The following BPGM variants were observed in gnomAD, a reference collection of about 807,000 sequenced individuals.
The protein encoded by BPGM is 2,3-bisphosphoglycerate mutase, erythrocyte.
BPGM carries 15 observed loss-of-function variants against 21.6 expected under a neutral mutation model. The observed-to-expected ratio is 0.70, with a 90% CI of 0.47 to 1.07. The LOEUF (loss-of-function observed/expected upper bound fraction) is 1.07. Among genes scored for constraint, BPGM ranks in the 50% least tolerant of loss-of-function variants. BPGM has a pLI of 0.00. For synonymous variants in BPGM, 113 were observed against 116.2 expected (o/e 0.97, Z 0.18); for missense variants, 273 against 319.0 (o/e 0.86, Z 1.10).
chr7:134,654,163 A>G (rs1331873356), intron 1 of BPGM, among the ~76,000 whole-genome samples: 1 of 151,752 alleles, frequency 6.6e-6, no homozygotes, highest in Non-Finnish European at 1.5e-5. Context: ...AGATGAAGAC[A>G]TAATTCTTGT....
intron 2 of BPGM, among the ~76,000 whole-genome samples, chr7:134,662,771 G>A (rs954010499): frequency 2.6e-5 from 4 of 152,158 alleles, no homozygotes; most frequent in Non-Finnish European, 5.9e-5. Context: ...TATTTATCTT[G>A]ACTCTAAAAA....
chr7:134,653,066 GT>G (rs1419017931), intron 1 of BPGM, among the ~76,000 whole-genome samples: 1 of 152,158 alleles, frequency 6.6e-6, no homozygotes, highest in African/African-American at 2.4e-5. Flanking sequence ...GGTTTTACAT[GT>G]AAAACGGTTG....
chr7:134,658,323 A>G (rs1795674648), intron 1 of BPGM: 1 of 152,208 alleles, frequency 6.6e-6, no homozygotes, highest in Admixed American at 6.5e-5. Flanking sequence ...GATGTCAGCA[A>G]TCCCATCTTC....
chr7:134,655,100 T>C (rs1191650703), intron 1 of BPGM, among the ~76,000 whole-genome samples: 1 of 152,194 alleles, frequency 6.6e-6, no homozygotes, highest in Non-Finnish European at 1.5e-5. Context: ...TAACTTTTGC[T>C]ATGGGATAAA....
intron 2 of BPGM, among the ~76,000 whole-genome samples, chr7:134,668,035 C>G (rs1795846186): frequency 1.3e-5 from 2 of 150,338 alleles, no homozygotes; most frequent in African/African-American, 4.9e-5. Flanking sequence ...TACTCATCTC[C>G]TCTTAGGTCT....
At chr7:134,659,372 C>CGTGTGTGT (rs66893203) in intron 1 of BPGM, among the ~76,000 whole-genome samples, 47 of 145,390 alleles carry the variant, frequency 3.2e-4, no homozygotes, top group East Asian at 8.4e-4. Context: ...CACACCCCTC[C>CGTGTGTGT]GTGTGTGTGT....
chr7:134,661,583 G>T lies in BPGM; in HGVS notation c.76G>T (p.Val26Leu), dbSNP rs1239298017. The part of the protein sequence containing the change: ...WNKENRFCSW[V>L]DQKLNSEGME... The stretch of plus-strand genomic sequence containing the variant: ...TAAGGAGAACCGTTTTTGTAGCTGG[G>T]TGGATCAGAAACTCAACAGCGAAGG... The change falls in exon 2 of 3, where the codon GTG becomes TTG. Residue 26 changes from valine to leucine, a missense_variant. Val to Leu is a conservative substitution (Grantham distance 32). Transcript: ENST00000344924. This position sits in a 1 kb window ranked among gnomAD's most constrained non-coding sequence, Gnocchi z 4.6. 1 of 1,614,076 alleles carries T rather than the reference G, an allele frequency of 6.2e-7. No individual in the cohort carries two copies. The highest frequency in any genetic ancestry group is 1.7e-5 in the Admixed American group (1 of 60,000).
Position 134,679,135 on chromosome 7 carries a change from C to T in BPGM, c.*104C>T. 1 of 1,353,990 alleles carries T rather than the reference C, an allele frequency of 7.4e-7. No individual in the cohort carries two copies. 83.9% of individuals were successfully genotyped at this position (1,353,990 alleles called of 1,614,324 possible). A position where few individuals can be genotyped will look rare whatever the true frequency, so the allele number is the denominator to read the frequency against. ...TTTTCCCCGATTTTCCAGAGCTAGG[C>T]TGTGGAGTAGAGTTTGTATAGGTAA... On this transcript the variant is annotated 3_prime_UTR_variant, in exon 3 of 3. Transcript: ENST00000344924.
intron 2 of BPGM, among the ~76,000 whole-genome samples, chr7:134,670,396 A>T (rs7778811): frequency 2.0e-5 from 3 of 152,088 alleles, no homozygotes; most frequent in East Asian, 1.9e-4. Flanking sequence ...CGCTTCTGTG[A>T]GGCAAGTAGT....
rs746836937 is a variant in BPGM, at chr7:134,661,764, G to A, written c.257G>A (p.Arg86His). ...QEWVPVESSW[R>H]LNERHYGALI... ...TGGGTGCCTGTGGAAAGCTCCTGGC[G>A]TCTAAATGAGCGTCACTATGGGGCC... The change falls in exon 2 of 3, where the codon CGT becomes CAT. Residue 86 changes from arginine (R) to histidine (H), a missense_variant. Arg to His is a conservative substitution (Grantham distance 29). Coordinates refer to ENST00000344924, the MANE Select transcript of BPGM (RefSeq NM_001724.5). The surrounding 1 kb of genome is among the most constrained non-coding windows in gnomAD (Gnocchi z 4.6). 30 of 1,614,012 alleles carry A rather than the reference G, an allele frequency of 1.9e-5. No individual in the cohort carries two copies. The highest frequency in any genetic ancestry group is 4.5e-5 in the East Asian group (2 of 44,894).
Position 134,678,852 on chromosome 7 carries a change from G to A in BPGM, c.602-1G>A. The A allele has an allele frequency of 6.2e-7, 1 of 1,613,386 alleles. No individual in the cohort carries two copies. Among genetic ancestry groups the A allele is most frequent in the East Asian group, 2.2e-5 (1 of 44,872 alleles). ...TGGTCTCTTCCTGTCCTGATCAACAGGTATCTCAGATGAAGACATCATCAA... is the reference window on the plus strand; with the variant it reads ...TGGTCTCTTCCTGTCCTGATCAACAAGTATCTCAGATGAAGACATCATCAA... On this transcript the variant is annotated splice_acceptor_variant, in intron 2 of 2. Transcript: ENST00000344924. LOFTEE classifies it high-confidence loss of function.
At position 134,661,312 on chromosome 7, in the gene BPGM, G is replaced by A; in HGVS notation, c.-61-135G>A. 4.4e-6 allele frequency: 3 copies of A among 681,222 alleles called. No homozygotes were observed. Among genetic ancestry groups the A allele is most frequent in the Non-Finnish European group, 7.3e-6 (3 of 408,588 alleles). 42.2% of individuals were successfully genotyped at this position (681,222 alleles called of 1,614,324 possible). On this transcript the variant is annotated intron_variant, in intron 1 of 2. Transcript: ENST00000344924. This position sits in a 1 kb window ranked among gnomAD's most constrained non-coding sequence, Gnocchi z 4.6. ...ATAGAATATGCCTGTATGTGTCACA[G>A]TGTATGAGTTATCACATTTCTGACT...
intron 1 of BPGM, among the ~76,000 whole-genome samples, chr7:134,650,844 G>A (rs539989341): frequency 1.9e-4 from 29 of 152,308 alleles, no homozygotes; most frequent in Non-Finnish European, 3.2e-4. Flanking sequence ...ACAATGGCAC[G>A]AACCTGGGAG....
chr7:134,676,307 A>T (rs777718546), intron 2 of BPGM, among the ~76,000 whole-genome samples: 10 of 152,234 alleles, frequency 6.6e-5, no homozygotes, highest in Non-Finnish European at 1.3e-4. Flanking sequence ...CACATCTATG[A>T]GTGGTGAATC....
chr7:134,667,692 C>T (rs1397243233), intron 2 of BPGM, among the ~76,000 whole-genome samples: 1 of 152,134 alleles, frequency 6.6e-6, no homozygotes, highest in Admixed American at 6.5e-5. Flanking sequence ...ACACTTGTGG[C>T]TGCAGATTCA....
intron 2 of BPGM, among the ~76,000 whole-genome samples, chr7:134,666,087 C>G (rs956101586): frequency 2.0e-5 from 3 of 151,972 alleles, no homozygotes; most frequent in Admixed American, 6.6e-5. Flanking sequence ...GCCACGTTTG[C>G]CAGGCAGGTC....
intron 1 of BPGM, among the ~76,000 whole-genome samples, chr7:134,648,518 C>T (rs1042617018): frequency 2.0e-5 from 3 of 152,212 alleles, no homozygotes; most frequent in African/African-American, 7.2e-5. Flanking sequence ...ACCTCATACA[C>T]CGCAGATGCT....
chr7:134,652,297 C>A (rs867759913), intron 1 of BPGM, among the ~76,000 whole-genome samples: 46 of 152,024 alleles, frequency 3.0e-4, no homozygotes, highest in Admixed American at 2.4e-3. Context: ...ATATTGAGGG[C>A]TTCTGGCCTA....
chr7:134,671,682 A>G (rs761470303), intron 2 of BPGM, among the ~76,000 whole-genome samples: 10 of 152,148 alleles, frequency 6.6e-5, no homozygotes, highest in Non-Finnish European at 1.3e-4. Flanking sequence ...TATTCCTTAT[A>G]GCCTTTAGTT....
Sources: gnomAD v4.1 joint callset for allele counts (sites outside exome capture counted in the v4.1 genomes callset) on GRCh38, gnomAD v4.1.1 for gene constraint, Gnocchi (gnomAD v3.1) non-coding constraint, MANE v1.5 for transcripts, NCBI Gene and HGNC (gene_info 2026-07-23, HGNC 2026-07-21) for gene names.